CCDC146: variants seen among roughly 807,000 people sequenced by gnomAD.
CCDC146 encodes coiled-coil domain containing 146.
Under a neutral mutation model 119.3 loss-of-function variants are expected in CCDC146, and 92 were observed. That is an observed-to-expected ratio of 0.77 (90% CI 0.65 to 0.92). The LOEUF (loss-of-function observed/expected upper bound fraction) is 0.92. Ranked by LOEUF, CCDC146 falls within the 40% of genes least tolerant of loss-of-function variation. The pLI is 0.00. For synonymous variants in CCDC146, 372 were observed against 371.8 expected (o/e 1.00, Z -0.01); for missense variants, 1,000 against 1,103.0 (o/e 0.91, Z 1.32).
At position 77,199,415 on chromosome 7, in the gene CCDC146, C is replaced by A. The variant is rs761091736; in HGVS notation, c.156+31591C>A. 3.7e-6 allele frequency: 6 copies of A among 1,614,062 alleles called. No homozygotes were observed. The East Asian group carries it at 1.3e-4, about 36-fold the overall frequency. ...CTCTCTAATTCTCTAACTCTGTTAT[C>A]ACCAACCTCTCCCGGGGCTCCTGTA... is the stretch of plus-strand genomic sequence containing the variant. On this transcript the variant is annotated intron_variant, in intron 2 of 18. Coordinates refer to ENST00000285871, the MANE Select transcript of CCDC146 (RefSeq NM_020879.3).
At chr7:77,293,804 TC>T (rs1793995598) in intron 18 of CCDC146, among the ~76,000 whole-genome samples, 1 of 152,226 alleles carries the variant, frequency 6.6e-6, no homozygotes, top group Non-Finnish European at 1.5e-5. Context: ...ATTAGGCATC[TC>T]TTTCCAAGGA....
chr7:77,282,968 C>G (rs576385548), intron 15 of CCDC146, among the ~76,000 whole-genome samples, 183 bp downstream of exon 15: 3 of 152,332 alleles, frequency 2.0e-5, no homozygotes, highest in African/African-American at 7.2e-5. Context: ...CTTCAGGCAT[C>G]CAGGCTACAC....
At chr7:77,254,430 A>T in intron 4 of CCDC146, 76 bp from the exon 5 acceptor site, 1 of 793,264 alleles carries the variant, frequency 1.3e-6, no homozygotes, top group South Asian at 1.6e-5. Flanking sequence ...TTCTGGGATG[A>T]GAAGATAGAA....
In CCDC146 at chr7:77,262,207, A is replaced by G; in HGVS notation, c.1073A>G (p.Glu358Gly). The change falls in exon 9 of 19, where the codon GAA becomes GGA. Residue 358 changes from glutamate to glycine, a missense_variant. Glu to Gly is a moderately conservative substitution (Grantham distance 98). Around this residue, in one of 2 missense-constraint regions of CCDC146, gnomAD observed 985 missense variants for 1,045.3 expected, o/e 0.94. Coordinates refer to ENST00000285871, the MANE Select transcript of CCDC146 (RefSeq NM_020879.3). The stretch of plus-strand genomic sequence containing the variant: ...CTTTCTCGTAAGCAAAGAGAGAAAG[A>G]ACGAGATTTTCGAAATTTAAGAAAG... ...DELSRKQREK[E>G]RDFRNLRKME... 6 of 1,614,032 alleles carry G rather than the reference A, an allele frequency of 3.7e-6. No homozygotes were observed. Among genetic ancestry groups the G allele is most frequent in the Non-Finnish European group, 4.2e-6 (5 of 1,179,950 alleles).
intron 9 of CCDC146, among the ~76,000 whole-genome samples, chr7:77,264,000 G>C (rs115252304): frequency 0.039 from 5,879 of 152,164 alleles, 391 homozygotes; most frequent in African/African-American, 0.13. Context: ...AATAAAACAT[G>C]TATGTTCTAC....
intron 2 of CCDC146, among the ~76,000 whole-genome samples, chr7:77,221,584 A>G (rs145207592): frequency 4.1e-4 from 63 of 152,286 alleles, no homozygotes; most frequent in Middle Eastern, 3.4e-3. Flanking sequence ...ACCCTGATAC[A>G]TAGCCATAGA....
At chr7:77,134,541 CTGTGTG>C (rs67724407) in intron 1 of CCDC146, among the ~76,000 whole-genome samples, 16 of 144,244 alleles carry the variant, frequency 1.1e-4, no homozygotes, top group African/African-American at 3.4e-4. Context: ...TAAGGCCACT[CTGTGTG>C]TGTGTGTGTG....
Position 77,280,608 on chromosome 7 carries a change from A to C in CCDC146, c.1874A>C (p.Gln625Pro), listed in dbSNP as rs758149903. Reference protein sequence around the residue: ...TITMIEEEMVQLRKRYEKAVQ... With the variant: ...TITMIEEEMVPLRKRYEKAVQ... ...ACAATGATCGAAGAGGAGATGGTGC[A>C]GCTTCGCAAAAGATACGAAAAAGCT... Residue 625 changes from glutamine (Q) to proline (P), a missense_variant, in exon 14 of 19, where the codon CAG becomes CCG. Transcript: ENST00000285871. 2.5e-5 allele frequency: 40 copies of C among 1,614,034 alleles called. No individual in the cohort carries two copies. The highest frequency in any genetic ancestry group is 8.3e-5 in the Admixed American group (5 of 60,012).
At chr7:77,234,700 A>G (rs141861483) in intron 2 of CCDC146, among the ~76,000 whole-genome samples, 178 of 152,254 alleles carry the variant, frequency 1.2e-3, no homozygotes, top group African/African-American at 3.9e-3. Context: ...GCGCCACTGT[A>G]CTCCAGCCTG....
intron 9 of CCDC146, among the ~76,000 whole-genome samples, chr7:77,266,352 T>G (rs117918387): frequency 1.1e-4 from 16 of 152,246 alleles, no homozygotes; most frequent in Non-Finnish European, 2.9e-5. Flanking sequence ...TTGAAGGCAA[T>G]GATAACAACA....
chr7:77,164,423 T>C (rs1453663596), intron 1 of CCDC146, among the ~76,000 whole-genome samples: 1 of 152,198 alleles, frequency 6.6e-6, no homozygotes, highest in African/African-American at 2.4e-5. Flanking sequence ...AAAAACACTT[T>C]AGGGCATTGA....
intron 2 of CCDC146, among the ~76,000 whole-genome samples, chr7:77,232,370 G>A (rs2150477056): frequency 6.6e-6 from 1 of 152,226 alleles, no homozygotes; most frequent in Non-Finnish European, 1.5e-5. Context: ...ACAGTCTCCT[G>A]GACCACCAGT....
At chr7:77,242,866 G>A (rs1404734328) in intron 4 of CCDC146, among the ~76,000 whole-genome samples, 1 of 151,040 alleles carries the variant, frequency 6.6e-6, no homozygotes, top group East Asian at 1.9e-4. Context: ...CTCTCTTTGG[G>A]GCCTATTTTT....
rs1792250284 is a variant in CCDC146 at position 77,213,884 on chromosome 7, G to A, written c.157-23063G>A. ...TCTAATCCTAATGGATGGACACTTA[G>A]GTTGATTCCATGACTGCTATGGTGA... On this transcript the variant is annotated intron_variant, in intron 2 of 18. Transcript: ENST00000285871. Among the ~76,000 whole-genome samples the A allele has an allele frequency of 2.6e-5, 4 of 152,110 alleles. No individual in the cohort carries two copies. In the South Asian group the frequency reaches 8.3e-4, roughly 32 times the overall value.
At chr7:77,254,179 G>T (rs975875699) in intron 4 of CCDC146, among the ~76,000 whole-genome samples, 6 of 152,150 alleles carry the variant, frequency 3.9e-5, no homozygotes, top group African/African-American at 1.4e-4. Flanking sequence ...GCAGGCACCC[G>T]CCCATTCCAA....
intron 17 of CCDC146, among the ~76,000 whole-genome samples, chr7:77,289,993 A>G (rs1456764419): frequency 6.6e-6 from 1 of 152,250 alleles, no homozygotes; most frequent in Non-Finnish European, 1.5e-5. Context: ...GAACCAACCC[A>G]AATGTCCATC....
intron 1 of CCDC146, among the ~76,000 whole-genome samples, chr7:77,159,089 A>G (rs900003893): frequency 4.6e-5 from 7 of 152,162 alleles, no homozygotes; most frequent in African/African-American, 1.4e-4. Context: ...ACCACCAACC[A>G]TCATCAATCT....
chr7:77,185,135 A>G (rs1791644641), intron 2 of CCDC146, among the ~76,000 whole-genome samples: 1 of 151,944 alleles, frequency 6.6e-6, no homozygotes, highest in Non-Finnish European at 1.5e-5. Flanking sequence ...TTGCCTCCTT[A>G]TTCCAGCATT....
At chr7:77,256,773 C>A (rs1378803847) in intron 6 of CCDC146, among the ~76,000 whole-genome samples, 1 of 152,174 alleles carries the variant, frequency 6.6e-6, no homozygotes, top group African/African-American at 2.4e-5. Context: ...CATTTCTGGA[C>A]ATTAGAAACA....
Sources: gnomAD v4.1 joint callset for allele counts (sites outside exome capture counted in the v4.1 genomes callset) on GRCh38, gnomAD v4.1.1 for gene constraint, gnomAD v4.1.1 regional missense constraint, MANE v1.5 for transcripts, NCBI Gene and HGNC (gene_info 2026-07-23, HGNC 2026-07-21) for gene names.